ZFHX3: variants seen among roughly 807,000 people sequenced by gnomAD.
The protein encoded by ZFHX3 is zinc finger homeobox 3.
In ZFHX3, 42 loss-of-function variants were observed where a neutral mutation model predicts 279.1. The ratio of observed to expected loss-of-function variants is 0.15; its 90% CI spans 0.12 to 0.19. The LOEUF (loss-of-function observed/expected upper bound fraction) is 0.19, where lower values mean the gene tolerates loss of function less well. ZFHX3 is among the 10% of genes least tolerant of loss of function. The probability of loss-of-function intolerance (pLI) is 1.00; values close to 1 mark genes in which losing one functional copy is unlikely to be tolerated. For synonymous variants in ZFHX3, 2,293 were observed against 1,957.8 expected (o/e 1.17, Z -4.52); for missense variants, 4,981 against 4,754.0 (o/e 1.05, Z -1.40).
chr16:73,639,229 T>G lies in ZFHX3; in HGVS notation c.-1547+40951A>C, dbSNP rs570432246. Among the ~76,000 whole-genome samples the G allele has an allele frequency of 5.3e-4, 80 of 152,332 alleles. 1 individual carries two copies. The highest frequency in any genetic ancestry group is 1.7e-3 in the African/African-American group (71 of 41,586). On this transcript the variant is annotated intron_variant, in intron 2 of 17. Transcript: ENST00000641206. The stretch of plus-strand genomic sequence containing the variant: ...TAATCAAGTCCACAGCAGCATTTGC[T>G]GCTGTGGTCCTGTCTGAATCTGCAA...
chr16:73,846,320 A>G (rs1255011685), intron 1 of ZFHX3, among the ~76,000 whole-genome samples: 1 of 152,210 alleles, frequency 6.6e-6, no homozygotes, highest in Admixed American at 6.5e-5. Flanking sequence ...AGGAGCGTCT[A>G]TCCTCTCTGA....
At chr16:73,838,670 C>A (rs1961209970) in intron 1 of ZFHX3, among the ~76,000 whole-genome samples, 1 of 152,040 alleles carries the variant, frequency 6.6e-6, no homozygotes. Flanking sequence ...ATACATCAAG[C>A]TGTACAGAAA....
intron 1 of ZFHX3, among the ~76,000 whole-genome samples, chr16:73,057,341 G>C (rs1011064976): frequency 1.3e-5 from 2 of 152,160 alleles, no homozygotes; most frequent in Non-Finnish European, 2.9e-5. Flanking sequence ...AACCCTCCGA[G>C]TACTGAGTCC....
chr16:72,823,597 G>C (rs1034706980), intron 5 of ZFHX3, among the ~76,000 whole-genome samples: 1 of 152,170 alleles, frequency 6.6e-6, no homozygotes, highest in African/African-American at 2.4e-5. Context: ...AGAAAGCCTT[G>C]AGCCTTTTAT....
At chr16:73,724,772 T>C (rs1454081851) in intron 1 of ZFHX3, among the ~76,000 whole-genome samples, 1 of 152,206 alleles carries the variant, frequency 6.6e-6, no homozygotes, top group Non-Finnish European at 1.5e-5. Context: ...CCAGTAGTTG[T>C]AGTTGGAAAG....
At chr16:73,605,783 A>G (rs2052172909) in intron 2 of ZFHX3, among the ~76,000 whole-genome samples, 3 of 152,152 alleles carry the variant, frequency 2.0e-5, no homozygotes, top group African/African-American at 4.8e-5. Context: ...TTCTCGGTCT[A>G]GGCCAAGAGG....
intron 8 of ZFHX3, among the ~76,000 whole-genome samples, chr16:73,078,832 G>C (rs369316185): frequency 1.3e-4 from 19 of 151,988 alleles, no homozygotes; most frequent in African/African-American, 4.6e-4. Context: ...TTTTAGTAGA[G>C]ACGGGGTTTC....
chr16:73,754,774 A>G (rs1480780982), intron 1 of ZFHX3, among the ~76,000 whole-genome samples: 5 of 152,170 alleles, frequency 3.3e-5, no homozygotes, highest in African/African-American at 1.2e-4. Context: ...AAAAGGAGAG[A>G]TTAATGACAG....
chr16:73,406,522 A>G (rs567804884), intron 3 of ZFHX3, among the ~76,000 whole-genome samples: 3 of 152,354 alleles, frequency 2.0e-5, no homozygotes, highest in African/African-American at 7.2e-5. Context: ...GCAGATACTG[A>G]CAGCTTCGCG....
intron 1 of ZFHX3, among the ~76,000 whole-genome samples, chr16:73,854,232 A>G (rs1043168168): frequency 1.3e-5 from 2 of 152,200 alleles, no homozygotes; most frequent in African/African-American, 4.8e-5. Context: ...AGCATTATAA[A>G]TAGTACACAT....
chr16:73,888,905 C>T (rs1051612321), intron 1 of ZFHX3, among the ~76,000 whole-genome samples: 4 of 151,556 alleles, frequency 2.6e-5, no homozygotes, highest in Admixed American at 1.3e-4. Context: ...TACCACCCCC[C>T]CAAAAAATCC....
At chr16:72,923,703 C>A (rs2144251827) in intron 3 of ZFHX3, among the ~76,000 whole-genome samples, 1 of 150,920 alleles carries the variant, frequency 6.6e-6, no homozygotes, top group South Asian at 2.1e-4. Flanking sequence ...TCTGTCATGA[C>A]CTCATCAATC....
At position 72,959,468 on chromosome 16, in the gene ZFHX3, G is replaced by T; in HGVS notation, c.678C>A (p.Pro226=). 1 of 1,614,272 alleles carries T rather than the reference G, an allele frequency of 6.2e-7. No individual in the cohort carries two copies. Reference sequence around the variant, plus strand: ...CAAACACGCGGAAGCTGTGCAGGACGGGGCTGAGCCCCGCCAGGGCTGAGG... The same window carrying T: ...CAAACACGCGGAAGCTGTGCAGGACTGGGCTGAGCCCCGCCAGGGCTGAGG... ...PNTSALAGLS[P]VLHSFRVFDV... is the part of the protein sequence containing the mutation. Residue 226 remains proline (P), a synonymous_variant, in exon 2 of 10, where the codon CCC becomes CCA. Coordinates refer to ENST00000268489, the MANE Select transcript of ZFHX3 (RefSeq NM_006885.4).
chr16:73,645,683 T>C (rs1484832385), intron 2 of ZFHX3, among the ~76,000 whole-genome samples: 1 of 152,254 alleles, frequency 6.6e-6, no homozygotes, highest in Non-Finnish European at 1.5e-5. Context: ...CATTTATTAA[T>C]AATGCTTTGA....
chr16:73,206,330 T>A (rs1344619583), intron 5 of ZFHX3, among the ~76,000 whole-genome samples: 1 of 152,198 alleles, frequency 6.6e-6, no homozygotes, highest in Non-Finnish European at 1.5e-5. Flanking sequence ...AGGTCATCAT[T>A]ATGAACCACT....
intron 1 of ZFHX3, among the ~76,000 whole-genome samples, chr16:73,746,669 T>C (rs2053706326): frequency 6.6e-6 from 1 of 152,218 alleles, no homozygotes; most frequent in Non-Finnish European, 1.5e-5. Flanking sequence ...GCCATTTAGA[T>C]AATGGCATGA....
At chr16:73,830,328 C>T (rs888205146) in intron 1 of ZFHX3, among the ~76,000 whole-genome samples, 1 of 149,636 alleles carries the variant, frequency 6.7e-6, no homozygotes, top group Non-Finnish European at 1.5e-5. Context: ...GAGATGAACC[C>T]GGTACCTCAG....
intron 3 of ZFHX3, among the ~76,000 whole-genome samples, chr16:73,383,300 G>A (rs1003511837): frequency 6.6e-6 from 1 of 152,222 alleles, no homozygotes; most frequent in Non-Finnish European, 1.5e-5. Context: ...TGGAGTGACA[G>A]GCAGCACAAA....
chr16:73,483,462 G>A, intron 2 of ZFHX3: 1 of 443,332 alleles, frequency 2.3e-6, no homozygotes, highest in Admixed American at 2.5e-5. Context: ...CATGGGGGCT[G>A]TGCTCTGCCA....
Sources: allele counts gnomAD v4.1 joint callset (sites outside exome capture counted in the v4.1 genomes callset), GRCh38; gene constraint gnomAD v4.1.1; transcripts MANE v1.5; gene names NCBI Gene and HGNC (gene_info 2026-07-23, HGNC 2026-07-21).